Variants in GRIP1 observed in about 807,000 individuals in gnomAD.
GRIP1 encodes glutamate receptor interacting protein 1, also known as glutamate receptor-interacting protein 1.
A neutral mutation model predicts 129.9 loss-of-function variants in GRIP1; 45 were observed. The ratio of observed to expected loss-of-function variants is 0.35; its 90% CI spans 0.27 to 0.44. The LOEUF (loss-of-function observed/expected upper bound fraction) is 0.44. GRIP1 is among the 20% of genes least tolerant of loss of function. The pLI, the probability that GRIP1 is intolerant of heterozygous loss-of-function variation, is 1.00. For synonymous variants in GRIP1, 530 were observed against 520.8 expected (o/e 1.02, Z -0.24); for missense variants, 1,196 against 1,396.8 (o/e 0.86, Z 2.29).
At chr12:66,499,718 A>T (rs1391099883) in intron 7 of GRIP1, among the ~76,000 whole-genome samples, 1 of 152,204 alleles carries the variant, frequency 6.6e-6, no homozygotes, top group African/African-American at 2.4e-5. Context: ...AACTCTAAGA[A>T]CAGGCTGGGT....
chr12:66,743,762 G>A (rs1027522212), intron 1 of GRIP1, among the ~76,000 whole-genome samples: 9 of 151,976 alleles, frequency 5.9e-5, no homozygotes, highest in African/African-American at 1.9e-4. Flanking sequence ...TTGGTGTGCC[G>A]GTAAATTAAT....
At chr12:66,896,479 T>TAAAAAAAAAAAA (rs2040749304) in intron 1 of GRIP1, among the ~76,000 whole-genome samples, 7 of 54,124 alleles carry the variant, frequency 1.3e-4, no homozygotes, top group Non-Finnish European at 2.9e-4. Flanking sequence ...CTGAGGAATT[T>TAAAAAAAAAAAA]GAAAAAAAAA....
At chr12:66,842,459 C>T (rs1341564392) in intron 1 of GRIP1, among the ~76,000 whole-genome samples, 1 of 152,102 alleles carries the variant, frequency 6.6e-6, no homozygotes, top group Non-Finnish European at 1.5e-5. Context: ...TTTAGCACTC[C>T]CTGCCTCAGT....
Position 66,906,001 on chromosome 12 carries a change from A to C in GRIP1, c.58+163049T>G, listed in dbSNP as rs376192584. Among the ~76,000 whole-genome samples, 6 of 152,230 alleles carry C rather than the reference A, an allele frequency of 3.9e-5. No individual in the cohort carries two copies. The East Asian group carries it at 5.8e-4, about 15-fold the overall frequency. On this transcript the variant is annotated intron_variant, in intron 1 of 1. Coordinates refer to the GRIP1 transcript ENST00000643019. ...CAGTTCTCGATGTGTAAAACAAAAA[A>C]AAGGATGTATTAAATCATAAGAAAA...
chr12:66,552,082 A>C (rs2139318995), intron 2 of GRIP1, among the ~76,000 whole-genome samples: 1 of 152,318 alleles, frequency 6.6e-6, no homozygotes, highest in South Asian at 2.1e-4. Flanking sequence ...CACTACAGCT[A>C]GTGAGAGCTA....
chr12:66,386,761 C>T (rs1258203943), intron 19 of GRIP1, among the ~76,000 whole-genome samples: 1 of 152,228 alleles, frequency 6.6e-6, no homozygotes, highest in Non-Finnish European at 1.5e-5. Flanking sequence ...AGTTAATTCG[C>T]TGCCAAATTT....
At chr12:66,474,315 A>C (rs771261530) in intron 7 of GRIP1, among the ~76,000 whole-genome samples, 6 of 152,152 alleles carry the variant, frequency 3.9e-5, no homozygotes, top group Non-Finnish European at 7.3e-5. Context: ...CCTCCAAGAA[A>C]TATGGGACTA....
At chr12:66,352,296 G>A (rs1209278971) in intron 24 of GRIP1, among the ~76,000 whole-genome samples, 2 of 152,170 alleles carry the variant, frequency 1.3e-5, no homozygotes, top group Non-Finnish European at 2.9e-5. Context: ...CATGTGAGCA[G>A]GGACCTGAAG....
intron 9 of GRIP1, among the ~76,000 whole-genome samples, chr12:66,462,555 G>A (rs1365990967): frequency 6.6e-6 from 1 of 152,076 alleles, no homozygotes; most frequent in East Asian, 1.9e-4. Context: ...AAAGACTTTG[G>A]AAGATGAATT....
At chr12:66,584,820 C>A (rs1592600318) in intron 2 of GRIP1, among the ~76,000 whole-genome samples, 1 of 146,752 alleles carries the variant, frequency 6.8e-6, no homozygotes. Context: ...TGAAATGATA[C>A]CTCCTCTCTC....
At chr12:66,948,849 AATTTT>A (rs10602818) in intron 1 of GRIP1, among the ~76,000 whole-genome samples, 39,166 of 151,800 alleles carry the variant, frequency 0.26, 5,190 homozygotes, top group East Asian at 0.39. Context: ...GAAGCTGTAG[AATTTT>A]ATTTTATGAA....
chr12:66,949,443 T>C (rs1350328249), intron 1 of GRIP1, among the ~76,000 whole-genome samples: 1 of 152,178 alleles, frequency 6.6e-6, no homozygotes, highest in Non-Finnish European at 1.5e-5. Context: ...CTGCATGATG[T>C]GAATACAAAT....
chr12:66,518,058 A>C, intron 5 of GRIP1, 82 bp from the exon 6 acceptor site: 1 of 838,560 alleles, frequency 1.2e-6, no homozygotes. Context: ...ATCAGCTGAG[A>C]AATGTCCTAC....
intron 1 of GRIP1, among the ~76,000 whole-genome samples, chr12:66,729,442 C>T (rs1345260517): frequency 6.6e-6 from 1 of 152,166 alleles, no homozygotes; most frequent in East Asian, 1.9e-4. Context: ...TTACATATTT[C>T]ACTTAACTCC....
At chr12:66,488,329 A>G (rs2060011964) in intron 7 of GRIP1, among the ~76,000 whole-genome samples, 1 of 152,192 alleles carries the variant, frequency 6.6e-6, no homozygotes, top group African/African-American at 2.4e-5. Context: ...TTAACTCAAA[A>G]TCACACAACT....
At chr12:66,643,247 C>G (rs1158678362) in intron 1 of GRIP1, among the ~76,000 whole-genome samples, 1 of 152,228 alleles carries the variant, frequency 6.6e-6, no homozygotes, top group Admixed American at 6.5e-5. Flanking sequence ...CCCAGAAACC[C>G]TATTCCTAGA....
chr12:66,452,359 G>A (rs1043288300), intron 11 of GRIP1, among the ~76,000 whole-genome samples: 13 of 152,216 alleles, frequency 8.5e-5, no homozygotes, highest in Non-Finnish European at 1.6e-4. Flanking sequence ...TGTGACACTT[G>A]TCAAAGCCTA....
chr12:66,769,318 C>T (rs918569819), intron 1 of GRIP1, among the ~76,000 whole-genome samples: 1 of 151,810 alleles, frequency 6.6e-6, no homozygotes, highest in Non-Finnish European at 1.5e-5. Flanking sequence ...GATACTGAGG[C>T]CCACTCAAGG....
At chr12:66,386,974 T>C (rs1296755794) in intron 19 of GRIP1, among the ~76,000 whole-genome samples, 2 of 152,164 alleles carry the variant, frequency 1.3e-5, no homozygotes, top group African/African-American at 4.8e-5. Flanking sequence ...GCAACCTCCA[T>C]CTTAATCACA....
Sources: gnomAD v4.1 joint callset for allele counts (sites outside exome capture counted in the v4.1 genomes callset) on GRCh38, gnomAD v4.1.1 for gene constraint, MANE v1.5 for transcripts, NCBI Gene and HGNC (gene_info 2026-07-23, HGNC 2026-07-21) for gene names.